The following NYAP2 variants were observed in gnomAD, a reference collection of about 807,000 sequenced individuals.
NYAP2 encodes the protein neuronal tyrosine-phosphorylated phosphoinositide-3-kinase adaptor 2.
Under a neutral mutation model 50.4 loss-of-function variants are expected in NYAP2, and 23 were observed. That is an observed-to-expected ratio of 0.46 (90% CI 0.33 to 0.65). The LOEUF (loss-of-function observed/expected upper bound fraction) is 0.65, where lower values mean the gene tolerates loss of function less well. NYAP2 is among the 30% of genes least tolerant of loss of function. NYAP2 has a pLI of 0.02. For synonymous variants in NYAP2, 394 were observed against 365.2 expected, an observed-to-expected ratio of 1.08 and a Z score of -0.90; for missense variants, 885 against 861.0, an observed-to-expected ratio of 1.03 and a Z score of -0.35.
At chr2:225,571,869 A>G (rs1464026357) in intron 4 of NYAP2, among the ~76,000 whole-genome samples, 1 of 152,210 alleles carries the variant, frequency 6.6e-6, no homozygotes, top group African/African-American at 2.4e-5. Context: ...GTCAGGCTGC[A>G]GATTTTCCAA....
chr2:225,684,655 G>A, the NYAP2 span, among the ~76,000 whole-genome samples: 2 of 151,822 alleles, frequency 1.3e-5, no homozygotes, highest in African/African-American at 2.4e-5. Flanking sequence ...GGGTTCAAGC[G>A]ATTCTGCTGC....
intron 4 of NYAP2, among the ~76,000 whole-genome samples, chr2:225,537,500 G>A (rs1211166440): frequency 6.6e-6 from 1 of 152,132 alleles, no homozygotes; most frequent in Non-Finnish European, 1.5e-5. Context: ...AGTTTGTGCA[G>A]ATATAATTCC....
chr2:225,406,108 A>ATT (rs540990351), intron 2 of NYAP2, among the ~76,000 whole-genome samples: 10 of 148,400 alleles, frequency 6.7e-5, no homozygotes, highest in African/African-American at 2.2e-4. Context: ...TCCAACCACT[A>ATT]TTTTTTTTTT....
chr2:225,513,648 G>A (rs370336845), exon 4 of NYAP2: 42 of 1,519,596 alleles, frequency 2.8e-5, no homozygotes, highest in Middle Eastern at 1.8e-4. Flanking sequence ...CAGTAAGAGC[G>A]GGAAAACCCC....
intron 4 of NYAP2, among the ~76,000 whole-genome samples, chr2:225,544,909 G>C (rs918036051): frequency 6.6e-6 from 1 of 152,038 alleles, no homozygotes. Context: ...TATCAGGGAA[G>C]GTTTTTATTT....
the NYAP2 span, among the ~76,000 whole-genome samples, chr2:225,674,085 AGT>A: frequency 7.2e-5 from 11 of 152,110 alleles, no homozygotes. Flanking sequence ...AGTCTAAAAG[AGT>A]TTCAGTAAGT....
intron 3 of NYAP2, among the ~76,000 whole-genome samples, chr2:225,491,510 T>C (rs1690407609): frequency 6.6e-6 from 1 of 152,240 alleles, no homozygotes; most frequent in Non-Finnish European, 1.5e-5. Context: ...CTCAGCAATT[T>C]CTTGAAATCT....
chr2:225,450,373 C>G (rs1437676262), intron 3 of NYAP2, among the ~76,000 whole-genome samples: 1 of 152,132 alleles, frequency 6.6e-6, no homozygotes, highest in Non-Finnish European at 1.5e-5. Context: ...CTGATCTGGT[C>G]TTTAGTAACA....
intron 4 of NYAP2, among the ~76,000 whole-genome samples, chr2:225,535,198 C>G (rs1489937703): frequency 1.3e-5 from 2 of 152,192 alleles, no homozygotes; most frequent in Admixed American, 1.3e-4. Flanking sequence ...ATACAGGAAC[C>G]AGGAAGCAAA....
intron 4 of NYAP2, among the ~76,000 whole-genome samples, chr2:225,579,050 G>A (rs115735526): frequency 7.8e-4 from 118 of 151,972 alleles, no homozygotes; most frequent in African/African-American, 2.7e-3. Flanking sequence ...ACACACGCGC[G>A]TGCACACACA....
chr2:225,467,209 G>A (rs1046537553), intron 3 of NYAP2, among the ~76,000 whole-genome samples: 1 of 152,132 alleles, frequency 6.6e-6, no homozygotes, highest in Non-Finnish European at 1.5e-5. Flanking sequence ...AATGTCCTTA[G>A]AGGTCAGATA....
At chr2:225,677,060 T>C in the NYAP2 span, among the ~76,000 whole-genome samples, 1 of 152,168 alleles carries the variant, frequency 6.6e-6, no homozygotes, top group Non-Finnish European at 1.5e-5. Context: ...TTTCTATTTA[T>C]TTGTGTTAGA....
At chr2:225,599,400 T>C (rs1692659877) in intron 5 of NYAP2, among the ~76,000 whole-genome samples, 1 of 152,216 alleles carries the variant, frequency 6.6e-6, no homozygotes, top group Non-Finnish European at 1.5e-5. Flanking sequence ...GCAAATCTTT[T>C]GAAGACTGGT....
At chr2:225,671,416 T>A in the NYAP2 span, among the ~76,000 whole-genome samples, 2 of 152,138 alleles carry the variant, frequency 1.3e-5, no homozygotes, top group African/African-American at 4.8e-5. Flanking sequence ...TCATCATGTG[T>A]TCAAGTTTTA....
At chr2:225,540,277 C>T (rs889527043) in intron 4 of NYAP2, among the ~76,000 whole-genome samples, 7 of 152,160 alleles carry the variant, frequency 4.6e-5, no homozygotes, top group African/African-American at 1.7e-4. Flanking sequence ...TCTACTAGAA[C>T]CAATTTACTG....
intron 3 of NYAP2, among the ~76,000 whole-genome samples, chr2:225,472,352 G>A (rs777918812): frequency 5.3e-5 from 8 of 152,178 alleles, no homozygotes; most frequent in Non-Finnish European, 8.8e-5. Context: ...GGAATTTGAA[G>A]GGGTAGACAG....
In NYAP2 at chr2:225,646,862, G is replaced by T. The variant is rs577560347; in HGVS notation, c.1829-4570G>T. On this transcript the variant is annotated intron_variant, in intron 6 of 6. Coordinates refer to ENST00000636099, the Ensembl canonical transcript of NYAP2. The stretch of plus-strand genomic sequence containing the variant: ...GATGAACCTAGACATGATCTGGACT[G>T]GCATCCTATGGGGGTAGAGCAAGAC... 3.6e-4 allele frequency among the ~76,000 whole-genome samples: 55 copies of T among 152,222 alleles called. 1 individual carries two copies. The South Asian group carries it at 0.011, about 31-fold the overall frequency.
At chr2:225,568,496 T>C (rs78478506) in intron 4 of NYAP2, among the ~76,000 whole-genome samples, 1 of 152,180 alleles carries the variant, frequency 6.6e-6, no homozygotes, top group African/African-American at 2.4e-5. Flanking sequence ...GACTCTTTAG[T>C]GTTATTACAA....
chr2:225,623,119 C>A (rs1308336505), intron 5 of NYAP2, among the ~76,000 whole-genome samples: 1 of 152,132 alleles, frequency 6.6e-6, no homozygotes, highest in Admixed American at 6.5e-5. Flanking sequence ...AACCTGAAAT[C>A]TTTCTGAGAC....
Sources: gnomAD v4.1 joint callset for allele counts (sites outside exome capture counted in the v4.1 genomes callset) on GRCh38, gnomAD v4.1.1 for gene constraint, MANE v1.5 for transcripts, NCBI Gene and HGNC (gene_info 2026-07-23, HGNC 2026-07-21) for gene names.